RBFOX3: variants seen among roughly 807,000 people sequenced by gnomAD.
RBFOX3 encodes RNA binding fox-1 homolog 3, also known as RNA binding protein fox-1 homolog 3.
In RBFOX3, 17 loss-of-function variants were observed where a neutral mutation model predicts 48.7. That is an observed-to-expected ratio of 0.35 (90% CI 0.24 to 0.52). RBFOX3 has a LOEUF of 0.52. RBFOX3 is among the 20% of genes least tolerant of loss of function. RBFOX3 has a pLI of 0.94. For synonymous variants in RBFOX3, 212 were observed against 209.5 expected (o/e 1.01, Z -0.10); for missense variants, 382 against 497.5 (o/e 0.77, Z 2.21).
chr17:79,601,159 A>G (rs2093697294), intron 1 of RBFOX3: 1 of 152,378 alleles, frequency 6.6e-6, no homozygotes, highest in African/African-American at 2.4e-5. Context: ...CCTGCTCTCA[A>G]GCAGCGGGAC....
At position 79,391,400 on chromosome 17, in the gene RBFOX3, G is replaced by T. The variant is rs9911046; in HGVS notation, c.-174-83576C>A. On this transcript the variant is annotated intron_variant, in intron 2 of 14. Transcript: ENST00000693108. The surrounding 1 kb of genome is among the most constrained non-coding windows in gnomAD (Gnocchi z 5.0). ...TCCTTCCCACGATTGGTGAACACTC[G>T]GGCAGGTTACCTAACTTCTCTGAGC... Among the ~76,000 whole-genome samples, 116 of 152,062 alleles carry T rather than the reference G, an allele frequency of 7.6e-4. No individual in the cohort carries two copies. The highest frequency in any genetic ancestry group is 2.7e-3 in the African/African-American group (111 of 41,478).
chr17:79,436,653 C>T (rs1555731308), intron 2 of RBFOX3, among the ~76,000 whole-genome samples: 2 of 152,136 alleles, frequency 1.3e-5, no homozygotes, highest in African/African-American at 4.8e-5. Context: ...GGCCAGGGAG[C>T]TCCTGCCTAA....
In RBFOX3 at chr17:79,303,851, C is replaced by CTGTGTGTGTGTGTG. The variant is rs34981785; in HGVS notation, c.-74+3859_-74+3872dup. ...TTTGTATGCATGTGTGCATGTCTGC[C>CTGTGTGTGTGTGTG]TGTGTGTGTGTGTGTGTGTGTGTGT... On this transcript the variant is annotated intron_variant, in intron 3 of 14. Coordinates refer to ENST00000693108, the MANE Select transcript of RBFOX3 (RefSeq NM_001350451.2). 4.4e-3 allele frequency among the ~76,000 whole-genome samples: 646 copies of CTGTGTGTGTGTGTG among 147,866 alleles called. 3 individuals are homozygous for CTGTGTGTGTGTGTG. The highest frequency in any genetic ancestry group is 0.015 in the African/African-American group (618 of 40,320).
At chr17:79,297,751 T>C (rs1175841543) in intron 3 of RBFOX3, among the ~76,000 whole-genome samples, 2 of 152,210 alleles carry the variant, frequency 1.3e-5, no homozygotes, top group Admixed American at 1.3e-4. Context: ...CTCAGGAAGT[T>C]ATGCCCTTGG....
At chr17:79,542,158 T>C (rs2089809896) in intron 1 of RBFOX3, among the ~76,000 whole-genome samples, 1 of 152,170 alleles carries the variant, frequency 6.6e-6, no homozygotes, top group Non-Finnish European at 1.5e-5. Context: ...TTTTATTTTT[T>C]CAATGGATAT....
rs956151455 is a variant in RBFOX3 at position 79,311,041 on chromosome 17, G to T, written c.-174-3217C>A. 5.9e-5 allele frequency among the ~76,000 whole-genome samples: 9 copies of T among 152,064 alleles called. No homozygotes were observed. Among genetic ancestry groups the T allele is most frequent in the Non-Finnish European group, 1.2e-4 (8 of 68,006 alleles). The stretch of plus-strand genomic sequence containing the variant: ...GATATGGCCTTTCTTAATGTGGGTG[G>T]GTGGGCTTCATCCAGTCAGTCGAAA... On this transcript the variant is annotated intron_variant, in intron 2 of 14. Transcript: ENST00000693108. This position sits in a 1 kb window ranked among gnomAD's most constrained non-coding sequence, Gnocchi z 4.2.
chr17:79,315,719 T>C (rs913588310), intron 2 of RBFOX3, among the ~76,000 whole-genome samples: 1 of 152,238 alleles, frequency 6.6e-6, no homozygotes. Flanking sequence ...AAAATAAGCC[T>C]GGCGTTTCTG....
At chr17:79,456,765 T>C (rs1183045647) in intron 2 of RBFOX3, among the ~76,000 whole-genome samples, 2 of 152,152 alleles carry the variant, frequency 1.3e-5, no homozygotes, top group Non-Finnish European at 2.9e-5. Context: ...CTGCCCACCC[T>C]GGCCCGGCCG....
intron 4 of RBFOX3, among the ~76,000 whole-genome samples, chr17:79,164,448 G>C (rs570003131): frequency 8.5e-5 from 13 of 152,152 alleles, no homozygotes; most frequent in Non-Finnish European, 1.9e-4. Flanking sequence ...GGGGCTCTGC[G>C]GCCTGGTGAG....
chr17:79,238,816 G>T (rs1275968306), intron 3 of RBFOX3, among the ~76,000 whole-genome samples: 1 of 152,190 alleles, frequency 6.6e-6, no homozygotes, highest in Non-Finnish European at 1.5e-5. Flanking sequence ...GAGGCCCAGG[G>T]GCTGAGCCAC....
intron 2 of RBFOX3, among the ~76,000 whole-genome samples, chr17:79,389,160 G>T (rs2060994891): frequency 6.6e-6 from 1 of 152,178 alleles, no homozygotes; most frequent in Non-Finnish European, 1.5e-5. Flanking sequence ...GAAGTTTGGG[G>T]TCCCCTTCCT....
At chr17:79,646,785 G>T in the RBFOX3 span, among the ~76,000 whole-genome samples, 9 of 152,016 alleles carry the variant, frequency 5.9e-5, no homozygotes, top group Non-Finnish European at 1.2e-4. Context: ...CTGCTCTGCC[G>T]CCAGCACCCT....
At chr17:79,452,685 G>A (rs1555742410) in intron 2 of RBFOX3, among the ~76,000 whole-genome samples, 1 of 152,120 alleles carries the variant, frequency 6.6e-6, no homozygotes, top group East Asian at 1.9e-4. Context: ...ATGAGGGAGG[G>A]GACCACTGGG....
chr17:79,372,904 A>G (rs2058746714), intron 2 of RBFOX3, among the ~76,000 whole-genome samples: 1 of 152,192 alleles, frequency 6.6e-6, no homozygotes, highest in Admixed American at 6.5e-5. Flanking sequence ...AAATGAGTCT[A>G]TAACGCAGAG....
chr17:79,620,277 G>A, the RBFOX3 span, among the ~76,000 whole-genome samples: 18 of 131,088 alleles, frequency 1.4e-4, no homozygotes, highest in South Asian at 1.8e-3. Context: ...GCACACATAC[G>A]CATATGCGCA....
At chr17:79,187,401 T>C (rs2053632390) in intron 4 of RBFOX3, among the ~76,000 whole-genome samples, 1 of 151,806 alleles carries the variant, frequency 6.6e-6, no homozygotes, top group African/African-American at 2.4e-5. Context: ...GGACAAGGAG[T>C]GAGCTCACAG....
At chr17:79,222,385 C>T (rs1332997402) in intron 4 of RBFOX3, among the ~76,000 whole-genome samples, 1 of 152,228 alleles carries the variant, frequency 6.6e-6, no homozygotes, top group Admixed American at 6.5e-5. Context: ...TGCGTCGCTG[C>T]TCTCCACCTT....
chr17:79,110,074 G>C (rs552683760), intron 5 of RBFOX3, among the ~76,000 whole-genome samples: 1 of 151,514 alleles, frequency 6.6e-6, no homozygotes, highest in Admixed American at 6.6e-5. Context: ...TGACTGTAGC[G>C]GTCCAGCAGC....
intron 2 of RBFOX3, among the ~76,000 whole-genome samples, chr17:79,341,990 C>T (rs1207944549): frequency 3.3e-5 from 5 of 152,252 alleles, no homozygotes; most frequent in African/African-American, 9.6e-5. Flanking sequence ...AAGAGGGTGT[C>T]CTCCATGGCT....
Sources: gnomAD v4.1 joint callset for allele counts (sites outside exome capture counted in the v4.1 genomes callset) on GRCh38, gnomAD v4.1.1 for gene constraint, Gnocchi (gnomAD v3.1) non-coding constraint, MANE v1.5 for transcripts, NCBI Gene and HGNC (gene_info 2026-07-23, HGNC 2026-07-21) for gene names.